OPRM1: variants seen among roughly 807,000 people sequenced by gnomAD.
OPRM1 encodes mu-type opioid receptor.
Under a neutral mutation model 31.8 loss-of-function variants are expected in OPRM1, and 27 were observed. That is an observed-to-expected ratio of 0.85 (90% CI 0.63 to 1.17). OPRM1 has a LOEUF of 1.17. Ranked by LOEUF, OPRM1 falls within the 50% of genes most tolerant of loss-of-function variation. The pLI is 0.00. For missense variants in OPRM1, 536 were observed against 511.1 expected, an observed-to-expected ratio of 1.05 and a Z score of -0.47; for synonymous variants, 196 against 189.9, an observed-to-expected ratio of 1.03 and a Z score of -0.26.
intron 3 of OPRM1, among the ~76,000 whole-genome samples, chr6:154,096,703 A>T (rs1793455011): frequency 6.6e-6 from 1 of 152,170 alleles, no homozygotes; most frequent in Admixed American, 6.5e-5. Flanking sequence ...ATTATATAAG[A>T]TCAAACAGCC....
intron 3 of OPRM1, among the ~76,000 whole-genome samples, chr6:154,097,992 G>A (rs1330282699): frequency 5.9e-5 from 9 of 152,186 alleles, no homozygotes; most frequent in Admixed American, 5.9e-4. Flanking sequence ...TACTTTGGGA[G>A]GCCAAGGCAG....
At chr6:154,062,544 C>A (rs1163411797) in intron 1 of OPRM1, among the ~76,000 whole-genome samples, 1 of 151,934 alleles carries the variant, frequency 6.6e-6, no homozygotes, top group Non-Finnish European at 1.5e-5. Context: ...AAGGAAAATA[C>A]CTTCCAAAAA....
intron 3 of OPRM1, among the ~76,000 whole-genome samples, chr6:154,179,415 T>A (rs1182128310): frequency 1.3e-5 from 2 of 151,716 alleles, no homozygotes; most frequent in African/African-American, 4.8e-5. Context: ...TCTTACAAGA[T>A]CATAAAGAGC....
intron 3 of OPRM1, among the ~76,000 whole-genome samples, chr6:154,233,112 G>A (rs1027924106): frequency 6.6e-6 from 1 of 152,004 alleles, no homozygotes; most frequent in African/African-American, 2.4e-5. Context: ...GGGGTTACAG[G>A]CATGTGCCGC....
At chr6:154,099,496 AAAAG>A (rs1409243735) in intron 3 of OPRM1, among the ~76,000 whole-genome samples, 7 of 151,284 alleles carry the variant, frequency 4.6e-5, no homozygotes, top group African/African-American at 1.7e-4. Context: ...GAAGGAAAGA[AAAAG>A]AAAGAGGAAG....
At position 154,118,844 on chromosome 6, in the gene OPRM1, C is replaced by T. The variant is rs1797143864; in HGVS notation, c.*123C>T. ...AGGAAAGTGCCTGCTTTTAGGTCAT[C>T]CAACCTCTTTCCTCTCTGGCCACTC... On this transcript the variant is annotated 3_prime_UTR_variant, in exon 4 of 4. Transcript: ENST00000330432. 2.6e-6 allele frequency: 4 copies of T among 1,520,518 alleles called. No individual in the cohort carries two copies. Among genetic ancestry groups the T allele is most frequent in the Non-Finnish European group, 3.5e-6 (4 of 1,142,824 alleles). The allele number at this position is 1,520,518 out of a possible 1,614,324, so 94.2% of individuals were successfully genotyped here.
At chr6:154,050,081 T>C (rs1407630967) in intron 1 of OPRM1, among the ~76,000 whole-genome samples, 1 of 152,172 alleles carries the variant, frequency 6.6e-6, no homozygotes, top group Non-Finnish European at 1.5e-5. Flanking sequence ...GGAATAGTAT[T>C]AGTTCTTCTT....
intron 3 of OPRM1, among the ~76,000 whole-genome samples, chr6:154,106,623 T>A (rs1170716014): frequency 1.3e-5 from 2 of 152,262 alleles, no homozygotes; most frequent in Non-Finnish European, 2.9e-5. Flanking sequence ...ACTTTCTGAC[T>A]TGCCCTAAAC....
intron 3 of OPRM1, among the ~76,000 whole-genome samples, chr6:154,180,237 G>A (rs1261368266): frequency 6.6e-6 from 1 of 152,006 alleles, no homozygotes; most frequent in African/African-American, 2.4e-5. Context: ...GTTAATGTCA[G>A]TGACCCTTCA....
At chr6:154,138,514 TA>T (rs1334154471) in intron 3 of OPRM1, among the ~76,000 whole-genome samples, 1 of 152,076 alleles carries the variant, frequency 6.6e-6, no homozygotes, top group Non-Finnish European at 1.5e-5. Context: ...ATGGAAGGAA[TA>T]AGGAGCTCTG....
At chr6:154,225,250 T>C (rs1779161856) in intron 3 of OPRM1, among the ~76,000 whole-genome samples, 1 of 152,204 alleles carries the variant, frequency 6.6e-6, no homozygotes, top group Non-Finnish European at 1.5e-5. Context: ...TTTTGGATTA[T>C]GGATGCTCAG....
intron 3 of OPRM1, among the ~76,000 whole-genome samples, chr6:154,117,918 G>C (rs534069093): frequency 6.8e-5 from 10 of 147,940 alleles, no homozygotes; most frequent in African/African-American, 2.5e-4. Flanking sequence ...AGAAAAAGCA[G>C]ATGGCAAAGC....
At chr6:154,222,617 G>A (rs547922715) in intron 3 of OPRM1, among the ~76,000 whole-genome samples, 3 of 152,298 alleles carry the variant, frequency 2.0e-5, no homozygotes, top group East Asian at 3.9e-4. Flanking sequence ...TCTTTGGGCT[G>A]TTTCCTTCTC....
intron 3 of OPRM1, among the ~76,000 whole-genome samples, chr6:154,150,649 C>G (rs2128541311): frequency 6.6e-6 from 1 of 152,344 alleles, no homozygotes; most frequent in Non-Finnish European, 1.5e-5. Flanking sequence ...TCAAGTGAAC[C>G]TGGGGATTCA....
At chr6:154,074,344 C>T (rs956346359) in intron 1 of OPRM1, 23 of 152,088 alleles carry the variant, frequency 1.5e-4, no homozygotes, top group African/African-American at 4.1e-4. Flanking sequence ...GTTAAATAAA[C>T]GAACAAATTG....
At position 154,088,623 on chromosome 6, in the gene OPRM1, T is replaced by C. The variant is rs537397330; in HGVS notation, c.291-1203T>C. Among the ~76,000 whole-genome samples the C allele has an allele frequency of 8.5e-5, 13 of 152,338 alleles. No individual in the cohort carries two copies. The South Asian group carries it at 2.5e-3, about 29-fold the overall frequency. On this transcript the variant is annotated intron_variant, in intron 1 of 3. Coordinates refer to ENST00000330432, the MANE Select transcript of OPRM1 (RefSeq NM_000914.5). ...CAATCTCTGATCTTAATTATGGTGG[T>C]GGTTTCACAGGTGTACACACGTATC...
chr6:154,219,926 G>A (rs1778717183), intron 3 of OPRM1, among the ~76,000 whole-genome samples: 1 of 152,010 alleles, frequency 6.6e-6, no homozygotes, highest in Admixed American at 6.6e-5. Flanking sequence ...GGGGAGGTGA[G>A]GATAGGGGAC....
intron 3 of OPRM1, among the ~76,000 whole-genome samples, chr6:154,145,701 G>A (rs1265293324): frequency 3.9e-5 from 6 of 152,214 alleles, no homozygotes; most frequent in Non-Finnish European, 5.9e-5. Flanking sequence ...GAATAAATTG[G>A]GAGGAAGCAG....
intron 1 of OPRM1, among the ~76,000 whole-genome samples, chr6:154,045,243 A>C (rs75033500): frequency 6.7e-6 from 1 of 149,192 alleles, no homozygotes; most frequent in Non-Finnish European, 1.5e-5. Flanking sequence ...AAAATAAATT[A>C]AAAAAAAAAG....
Sources: gnomAD v4.1 joint callset for allele counts (sites outside exome capture counted in the v4.1 genomes callset) on GRCh38, gnomAD v4.1.1 for gene constraint, MANE v1.5 for transcripts, NCBI Gene and HGNC (gene_info 2026-07-23, HGNC 2026-07-21) for gene names.